Variants in PIK3C2G observed in about 807,000 individuals in gnomAD.
PIK3C2G encodes the protein phosphatidylinositol-4-phosphate 3-kinase catalytic subunit type 2 gamma.
A neutral mutation model predicts 181.1 loss-of-function variants in PIK3C2G; 168 were observed. The observed-to-expected ratio is 0.93, with a 90% CI of 0.82 to 1.05. The LOEUF is 1.05. Ranked by LOEUF, PIK3C2G falls within the 50% of genes least tolerant of loss-of-function variation. The pLI is 0.00. For missense variants in PIK3C2G, 1,869 were observed against 1,732.8 expected, an observed-to-expected ratio of 1.08 and a Z score of -1.40; for synonymous variants, 573 against 592.2, an observed-to-expected ratio of 0.97 and a Z score of 0.47.
At chr12:18,561,098 T>C (rs1945320723) in intron 26 of PIK3C2G, among the ~76,000 whole-genome samples, 1 of 152,200 alleles carries the variant, frequency 6.6e-6, no homozygotes, top group South Asian at 2.1e-4. Flanking sequence ...CAGAAACTTA[T>C]TTCCTTGAGC....
chr12:18,395,322 C>T (rs1323064745), intron 15 of PIK3C2G, among the ~76,000 whole-genome samples: 1 of 144,190 alleles, frequency 6.9e-6, no homozygotes, highest in Non-Finnish European at 1.5e-5. Context: ...ACAGGCCTCT[C>T]ATCAAAAAAA....
chr12:18,575,654 TC>T (rs1256809329), intron 29 of PIK3C2G, among the ~76,000 whole-genome samples: 2 of 152,106 alleles, frequency 1.3e-5, no homozygotes, highest in African/African-American at 4.8e-5. Context: ...AGAGAAGGCA[TC>T]CCAGATGGTA....
At chr12:18,281,935 C>CTA (rs1389327037) in intron 1 of PIK3C2G, 69 bp from the exon 2 acceptor site, 4 of 604,480 alleles carry the variant, frequency 6.6e-6, no homozygotes, top group Non-Finnish European at 1.2e-5. Context: ...GTTATTTATC[C>CTA]TATATCTGTC....
chr12:18,663,954 T>C, the PIK3C2G span, among the ~76,000 whole-genome samples: 4 of 152,104 alleles, frequency 2.6e-5, no homozygotes, highest in Non-Finnish European at 5.9e-5. Flanking sequence ...AATAGACATT[T>C]CTCCAAAGAA....
At chr12:18,605,451 G>A (rs369701579) in intron 30 of PIK3C2G, among the ~76,000 whole-genome samples, 19 of 152,144 alleles carry the variant, frequency 1.2e-4, no homozygotes, top group Admixed American at 2.0e-4. Context: ...TCTATCAGAC[G>A]TTCAAAGAAG....
chr12:18,546,199 C>A, intron 25 of PIK3C2G, 124 bp from the exon 26 acceptor site: 2 of 625,018 alleles, frequency 3.2e-6, no homozygotes, highest in Non-Finnish European at 5.8e-6. Context: ...TGTATATAAA[C>A]TGAAAGACAT....
At chr12:18,503,782 C>A (rs182794841) in intron 23 of PIK3C2G, among the ~76,000 whole-genome samples, 112 of 152,326 alleles carry the variant, frequency 7.4e-4, no homozygotes, top group African/African-American at 2.6e-3. Context: ...CCATTCCCCA[C>A]TTTTTCGTCT....
downstream of PIK3C2G, among the ~76,000 whole-genome samples, chr12:18,650,847 C>T (rs1054521392): frequency 1.3e-5 from 2 of 149,828 alleles, no homozygotes; most frequent in Non-Finnish European, 3.0e-5. Context: ...CACTCTCCAC[C>T]TGAAAATACT....
intron 18 of PIK3C2G, among the ~76,000 whole-genome samples, chr12:18,469,070 T>A (rs567470064): frequency 6.6e-6 from 1 of 152,236 alleles, no homozygotes; most frequent in South Asian, 2.1e-4. Context: ...ATTACACACA[T>A]TCCTTGATCA....
the PIK3C2G span, among the ~76,000 whole-genome samples, chr12:18,706,180 C>T: frequency 7.3e-5 from 11 of 151,030 alleles, no homozygotes; most frequent in South Asian, 2.1e-4. Context: ...TGCAGTGAGC[C>T]GAGATTGCAC....
chr12:18,705,072 A>G, the PIK3C2G span: 11 of 1,473,646 alleles, frequency 7.5e-6, no homozygotes, highest in African/African-American at 2.8e-5. Flanking sequence ...AAGCATTTTC[A>G]TTGGTCTCTA....
intron 18 of PIK3C2G, among the ~76,000 whole-genome samples, chr12:18,468,478 G>A (rs1938133756): frequency 6.6e-6 from 1 of 151,912 alleles, no homozygotes; most frequent in Non-Finnish European, 1.5e-5. Flanking sequence ...TCAAATTCAT[G>A]GTCAGATACT....
intron 18 of PIK3C2G, among the ~76,000 whole-genome samples, chr12:18,474,917 A>C (rs551514133): frequency 5.1e-4 from 77 of 152,216 alleles, no homozygotes; most frequent in African/African-American, 1.8e-3. Flanking sequence ...TTCCAAAGCA[A>C]TTTCAGTTAT....
chr12:18,593,584 A>G (rs1469503226), intron 29 of PIK3C2G, among the ~76,000 whole-genome samples: 2 of 151,864 alleles, frequency 1.3e-5, no homozygotes, highest in Non-Finnish European at 2.9e-5. Flanking sequence ...GAAATAATCA[A>G]TTATTCTTTG....
intron 19 of PIK3C2G, among the ~76,000 whole-genome samples, chr12:18,490,975 G>C (rs73342953): frequency 4.3e-4 from 66 of 152,078 alleles, no homozygotes; most frequent in African/African-American, 1.6e-3. Context: ...TTATGCAATT[G>C]GATTTTTGTC....
At chr12:18,723,232 T>G in the PIK3C2G span, 1 of 1,253,128 alleles carries the variant, frequency 8.0e-7, no homozygotes, top group Non-Finnish European at 1.1e-6. Context: ...AAAAATACTT[T>G]GCTTTGAAAT....
intron 18 of PIK3C2G, among the ~76,000 whole-genome samples, chr12:18,430,954 T>C (rs1946121638): frequency 6.6e-6 from 1 of 152,160 alleles, no homozygotes; most frequent in Non-Finnish European, 1.5e-5. Flanking sequence ...CATTTTTTTT[T>C]TAAATAATCT....
chr12:18,564,124 A>G (rs1218280637), intron 28 of PIK3C2G, among the ~76,000 whole-genome samples: 4 of 151,944 alleles, frequency 2.6e-5, no homozygotes, highest in Admixed American at 6.6e-5. Context: ...GCCATCTTGA[A>G]AATCATTATT....
chr12:18,706,550 C>G, the PIK3C2G span, among the ~76,000 whole-genome samples: 39 of 152,282 alleles, frequency 2.6e-4, no homozygotes, highest in African/African-American at 8.7e-4. Flanking sequence ...GAAGGTGGCT[C>G]TACAAAGGTA....
Sources: allele counts gnomAD v4.1 joint callset (sites outside exome capture counted in the v4.1 genomes callset), GRCh38; gene constraint gnomAD v4.1.1; transcripts MANE v1.5; gene names NCBI Gene and HGNC (gene_info 2026-07-23, HGNC 2026-07-21).